Variants in STK10 observed in about 807,000 individuals in gnomAD.
STK10 encodes the protein serine/threonine-protein kinase 10.
A neutral mutation model predicts 113.8 loss-of-function variants in STK10; 78 were observed. The ratio of observed to expected loss-of-function variants is 0.69; its 90% CI spans 0.57 to 0.83. The LOEUF is 0.83. STK10 is among the 40% of genes least tolerant of loss of function. The pLI is 0.00. For synonymous variants in STK10, 465 were observed against 494.7 expected (o/e 0.94, Z 0.80); for missense variants, 1,109 against 1,280.1 (o/e 0.87, Z 2.04).
intron 8 of STK10, among the ~76,000 whole-genome samples, chr5:172,095,840 C>T (rs1265742843): frequency 3.3e-5 from 5 of 152,214 alleles, no homozygotes; most frequent in Non-Finnish European, 5.9e-5. Context: ...CAAGTAAGGC[C>T]AGGGATTACG....
At chr5:172,052,051 T>G (rs1259649054) in intron 18 of STK10, among the ~76,000 whole-genome samples, 1 of 152,170 alleles carries the variant, frequency 6.6e-6, no homozygotes. Context: ...CTCCTCTGCG[T>G]GTGGGTGGAA....
At chr5:172,107,067 C>A in intron 5 of STK10, 1 of 293,184 alleles carries the variant, frequency 3.4e-6, no homozygotes, top group Non-Finnish European at 6.6e-6. Context: ...ACCCGGAACA[C>A]AGAGTCCTGG....
chr5:172,084,577 G>T (rs1664044360), intron 10 of STK10, among the ~76,000 whole-genome samples: 1 of 151,968 alleles, frequency 6.6e-6, no homozygotes, highest in South Asian at 2.1e-4. Flanking sequence ...AGTATCTCTG[G>T]AAGGATTAAA....
intron 18 of STK10, chr5:172,045,301 A>G: frequency 1.7e-6 from 1 of 585,704 alleles, no homozygotes; most frequent in Non-Finnish European, 3.2e-6. Context: ...AAAAAAGCAG[A>G]TGCAAATCCC....
At position 172,057,382 on chromosome 5, in the gene STK10, G is replaced by A. The variant is rs186202702; in HGVS notation, c.2304C>T (p.Leu768=). 3 of 1,564,766 alleles carry A rather than the reference G, an allele frequency of 1.9e-6. No homozygotes were observed. The highest frequency in any genetic ancestry group is 2.6e-6 in the Non-Finnish European group (3 of 1,154,510). The change falls in exon 15 of 19, where the codon CTC becomes CTT. Residue 768 remains leucine (L), a synonymous_variant. Transcript: ENST00000176763. ...VKQQLKDQYF[L]QRHELLRKHE... is the part of the protein sequence containing the mutation. Reference sequence around the variant, plus strand: ...GCTTGCGCAGCAGCTCGTGCCGCTGGAGGAAGTACTGGTCTTTGAGCTGCT... The same window carrying A: ...GCTTGCGCAGCAGCTCGTGCCGCTGAAGGAAGTACTGGTCTTTGAGCTGCT...
At chr5:172,180,445 A>G (rs1770830059) in intron 1 of STK10, among the ~76,000 whole-genome samples, 1 of 152,150 alleles carries the variant, frequency 6.6e-6, no homozygotes, top group African/African-American at 2.4e-5. Context: ...AGCCTGGGCG[A>G]CAGAGCAAGA....
chr5:172,175,483 C>T (rs1313733187), intron 1 of STK10, among the ~76,000 whole-genome samples: 2 of 152,134 alleles, frequency 1.3e-5, no homozygotes, highest in Non-Finnish European at 2.9e-5. Flanking sequence ...CTGCTGCGGT[C>T]CCAGCAGCCC....
intron 13 of STK10, chr5:172,061,751 GACA>G (rs1767942232): frequency 6.5e-6 from 1 of 152,848 alleles, no homozygotes; most frequent in Admixed American, 6.5e-5. Flanking sequence ...CTGGAATACT[GACA>G]ACATGACGTT....
At chr5:172,055,227 T>C (rs2113691324) in intron 16 of STK10, among the ~76,000 whole-genome samples, 1 of 151,874 alleles carries the variant, frequency 6.6e-6, no homozygotes, top group Admixed American at 6.5e-5. Context: ...TAAGATGGAG[T>C]CTCGCTCTGT....
At chr5:172,090,954 AAAAAAAAAAAG>A (rs1768689349) in intron 9 of STK10, among the ~76,000 whole-genome samples, 2 of 150,228 alleles carry the variant, frequency 1.3e-5, no homozygotes, top group African/African-American at 4.9e-5. Context: ...AAAAAAAAAA[AAAAAAAAAAAG>A]AGCTGCGTTC....
chr5:172,102,162 C>G (rs931512602), intron 7 of STK10, among the ~76,000 whole-genome samples: 22 of 151,822 alleles, frequency 1.4e-4, no homozygotes, highest in Non-Finnish European at 2.2e-4. Context: ...GGCAGCAGCC[C>G]GAGTGAGAGG....
intron 1 of STK10, among the ~76,000 whole-genome samples, chr5:172,159,785 T>C (rs1417234711): frequency 1.3e-5 from 2 of 150,736 alleles, no homozygotes; most frequent in Non-Finnish European, 2.9e-5. Flanking sequence ...ATGGCACCAC[T>C]GCATCCCAGA....
intron 2 of STK10, among the ~76,000 whole-genome samples, chr5:172,131,251 G>A (rs1769750531): frequency 6.6e-6 from 1 of 151,980 alleles, no homozygotes; most frequent in African/African-American, 2.4e-5. Context: ...AGCCAGGATG[G>A]TCTCGATCTC....
chr5:172,176,432 G>A (rs1490206212), intron 1 of STK10, among the ~76,000 whole-genome samples: 1 of 152,114 alleles, frequency 6.6e-6, no homozygotes, highest in Non-Finnish European at 1.5e-5. Flanking sequence ...TCTGATTCGG[G>A]TTCCAACTAC....
chr5:172,106,897 C>T (rs1033934714), intron 5 of STK10, 83 bp from the exon 6 acceptor site: 9 of 1,377,668 alleles, frequency 6.5e-6, no homozygotes, highest in Non-Finnish European at 8.7e-6. Context: ...AGGGCCACCA[C>T]GAGCCACTGT....
chr5:172,129,105 A>G (rs1452434865), intron 2 of STK10, among the ~76,000 whole-genome samples: 1 of 152,184 alleles, frequency 6.6e-6, no homozygotes, highest in Non-Finnish European at 1.5e-5. Context: ...CAGCTGTAAA[A>G]TGGGGCTGCT....
At chr5:172,183,076 G>A (rs755777290) in intron 1 of STK10, among the ~76,000 whole-genome samples, 21 of 152,010 alleles carry the variant, frequency 1.4e-4, no homozygotes, top group Admixed American at 5.9e-4. Context: ...GTGTGGTGGC[G>A]TGTGCCTGTA....
rs1447527930 is a variant in STK10 at position 172,043,644 on chromosome 5, C to G, written c.*1238G>C. 6.6e-6 allele frequency: 1 copy of G among 152,126 alleles called. No homozygotes were observed. The allele number at this position is 152,126 out of a possible 1,614,324, so 9.4% of individuals were successfully genotyped here. A position where few individuals can be genotyped will look rare whatever the true frequency, so the allele number is the denominator to read the frequency against. ...CTGGTTCAAACATTTGCTTTTATTG[C>G]GTTATATACATTCTGCAGCTGTAGA... On this transcript the variant is annotated 3_prime_UTR_variant, in exon 19 of 19. Coordinates refer to ENST00000176763, the MANE Select transcript of STK10 (RefSeq NM_005990.4).
chr5:172,044,593 C>G lies in STK10; in HGVS notation c.*289G>C, dbSNP rs1018455902. The G allele has an allele frequency of 2.0e-6, 1 of 489,332 alleles. No homozygotes were observed. Among genetic ancestry groups the G allele is most frequent in the African/African-American group, 1.9e-5 (1 of 51,508 alleles). The allele number at this position is 489,332 out of a possible 1,614,324, so 30.3% of individuals were successfully genotyped here. A position where few individuals can be genotyped will look rare whatever the true frequency, so the allele number is the denominator to read the frequency against. On this transcript the variant is annotated 3_prime_UTR_variant, in exon 19 of 19. Transcript: ENST00000176763. The surrounding 1 kb of genome is among the most constrained non-coding windows in gnomAD (Gnocchi z 4.5). ...AACACCCATTCCTCTTGGACCCTGACCCCACCAACAGCCCCATCCCTTCCA... is the reference window on the plus strand; with the variant it reads ...AACACCCATTCCTCTTGGACCCTGAGCCCACCAACAGCCCCATCCCTTCCA...
Sources: gnomAD v4.1 joint callset for allele counts (sites outside exome capture counted in the v4.1 genomes callset) on GRCh38, gnomAD v4.1.1 for gene constraint, Gnocchi (gnomAD v3.1) non-coding constraint, MANE v1.5 for transcripts, NCBI Gene and HGNC (gene_info 2026-07-23, HGNC 2026-07-21) for gene names.